Variants in POM121 observed in about 807,000 individuals in gnomAD.
POM121 encodes POM121 transmembrane nucleoporin.
A neutral mutation model predicts 81.3 loss-of-function variants in POM121; 32 were observed. The observed-to-expected ratio is 0.39, with a 90% CI of 0.30 to 0.53. The LOEUF (loss-of-function observed/expected upper bound fraction) is 0.53, where lower values mean the gene tolerates loss of function less well. POM121 is among the 20% of genes least tolerant of loss of function. The pLI, the probability that POM121 is intolerant of heterozygous loss-of-function variation, is 0.66. For missense variants in POM121, 1,138 were observed against 1,614.6 expected, an observed-to-expected ratio of 0.70 and a Z score of 5.06; for synonymous variants, 514 against 694.2, an observed-to-expected ratio of 0.74 and a Z score of 4.08.
At chr7:72,883,577 T>G (rs1790381752) in intron 1 of POM121, among the ~76,000 whole-genome samples, 1 of 152,146 alleles carries the variant, frequency 6.6e-6, no homozygotes, top group Non-Finnish European at 1.5e-5. Context: ...CTCATTGTTT[T>G]GAAGAAACTG....
At chr7:72,883,594 T>C (rs1163898357) in intron 1 of POM121, among the ~76,000 whole-genome samples, 1 of 152,134 alleles carries the variant, frequency 6.6e-6, no homozygotes, top group East Asian at 1.9e-4. Flanking sequence ...ACTGGGTTGG[T>C]TATCCTCAGT....
intron 3 of POM121, among the ~76,000 whole-genome samples, chr7:72,912,145 G>C (rs1271372959): frequency 6.6e-6 from 1 of 152,132 alleles, no homozygotes; most frequent in Non-Finnish European, 1.5e-5. Context: ...CTCCCTCTTT[G>C]GCCTCCCAAA....
Position 72,946,482 on chromosome 7 carries a change from G to A in POM121, c.*248G>A. 3.8e-6 allele frequency: 5 copies of A among 1,328,302 alleles called. No homozygotes were observed. The highest frequency in any genetic ancestry group is 4.8e-6 in the Non-Finnish European group (5 of 1,035,924). The allele number at this position is 1,328,302 out of a possible 1,614,324, so 82.3% of individuals were successfully genotyped here. On this transcript the variant is annotated 3_prime_UTR_variant, in exon 13 of 13. Coordinates refer to ENST00000434423, the MANE Select transcript of POM121 (RefSeq NM_001387691.1). ...CCTCTACTTGAACAGTTCTACTGGG[G>A]AGGCTGGAGAACTAAGGAAACACCT...
At chr7:72,934,078 C>T (rs1462271642) in intron 5 of POM121, among the ~76,000 whole-genome samples, 3 of 151,738 alleles carry the variant, frequency 2.0e-5, no homozygotes, top group Non-Finnish European at 2.9e-5. Context: ...TTTTACTGTA[C>T]AGTCTTTTTT....
intron 1 of POM121, among the ~76,000 whole-genome samples, chr7:72,883,927 T>C (rs1178051385): frequency 6.6e-6 from 1 of 152,086 alleles, no homozygotes; most frequent in Admixed American, 6.6e-5. Context: ...TTTCTTTTCT[T>C]TTTTTGGAGA....
At chr7:72,913,289 C>T (rs113841982) in intron 3 of POM121, among the ~76,000 whole-genome samples, 33 of 152,360 alleles carry the variant, frequency 2.2e-4, no homozygotes, top group African/African-American at 7.2e-4. Context: ...ACCTCCACTG[C>T]GTCGGGACAT....
intron 5 of POM121, among the ~76,000 whole-genome samples, chr7:72,933,680 A>C (rs1297773859): frequency 6.6e-6 from 1 of 152,198 alleles, no homozygotes; most frequent in Non-Finnish European, 1.5e-5. Flanking sequence ...CACATAAGAG[A>C]TACATGCACC....
chr7:72,946,481 G>A lies in POM121; in HGVS notation c.*247G>A. 5 of 1,328,080 alleles carry A rather than the reference G, an allele frequency of 3.8e-6. No homozygotes were observed. The highest frequency in any genetic ancestry group is 3.7e-5 in the South Asian group (2 of 54,288). The allele number at this position is 1,328,080 out of a possible 1,614,324, so 82.3% of individuals were successfully genotyped here. ...ACCTCTACTTGAACAGTTCTACTGG[G>A]GAGGCTGGAGAACTAAGGAAACACC... On this transcript the variant is annotated 3_prime_UTR_variant, in exon 13 of 13. Transcript: ENST00000434423.
chr7:72,943,309 G>T lies in POM121; in HGVS notation c.3316G>T (p.Ala1106Ser). The T allele has an allele frequency of 6.2e-7, 1 of 1,607,512 alleles. No homozygotes were observed. Among genetic ancestry groups the T allele is most frequent in the South Asian group, 1.1e-5 (1 of 90,258 alleles). Residue 1106 changes from alanine to serine, a missense_variant, in exon 11 of 13, where the codon GCT becomes TCT. Ala to Ser is a moderately conservative substitution (Grantham distance 99). Coordinates refer to ENST00000434423, the MANE Select transcript of POM121 (RefSeq NM_001387691.1). The part of the protein sequence containing the change: ...PFTFGGSAAP[A>S]GSGSFGINVA... ...CACGTTTGGGGGTTCGGCAGCCCCC[G>T]CTGGCAGTGGGAGCTTTGGGATCAA... is the stretch of plus-strand genomic sequence containing the variant.
intron 3 of POM121, among the ~76,000 whole-genome samples, chr7:72,894,484 A>G (rs1299336369): frequency 3.3e-5 from 5 of 151,678 alleles, no homozygotes; most frequent in Non-Finnish European, 7.4e-5. Flanking sequence ...AGGCTGAGGC[A>G]GGAGAATCGC....
At position 72,925,156 on chromosome 7, in the gene POM121, A is replaced by AGCG. The variant is rs1322199085; in HGVS notation, c.44_46dup (p.Arg15dup). On this transcript the variant is annotated inframe_insertion, in exon 1 of 13. Coordinates refer to ENST00000434423, the MANE Select transcript of POM121 (RefSeq NM_001387691.1). ...GCGGCTGCGGCGGCTGGAGCAGGCG[A>AGCG]GCGGCGGCGGCCCATAGCGAGTGTC... The AGCG allele has an allele frequency of 6.8e-7, 1 of 1,476,250 alleles. No individual in the cohort carries two copies. The highest frequency in any genetic ancestry group is 2.8e-5 in the East Asian group (1 of 35,382). The allele number at this position is 1,476,250 out of a possible 1,614,324, so 91.4% of individuals were successfully genotyped here. A position where few individuals can be genotyped will look rare whatever the true frequency, so the allele number is the denominator to read the frequency against.
exon 4 of POM121, chr7:72,913,797 C>G (rs561621080): frequency 6.6e-6 from 1 of 152,242 alleles, no homozygotes; most frequent in African/African-American, 2.4e-5. Flanking sequence ...ATCTCACTTC[C>G]TCCCAGAGGC....
At chr7:72,941,800 GT>G in intron 10 of POM121, 36 bp from the exon 11 acceptor site, 2 of 1,544,384 alleles carry the variant, frequency 1.3e-6, no homozygotes, top group South Asian at 2.4e-5. Context: ...TCTTTGAAGT[GT>G]TTATTCCAAT....
intron 1 of POM121, among the ~76,000 whole-genome samples, chr7:72,882,983 A>G (rs1309937659): frequency 6.6e-6 from 1 of 152,114 alleles, no homozygotes; most frequent in Non-Finnish European, 1.5e-5. Context: ...GGCTTTTAAA[A>G]AGATTCATCT....
intron 12 of POM121, 131 bp downstream of exon 12, chr7:72,945,839 T>A (rs1210625288): frequency 6.9e-7 from 1 of 1,443,198 alleles, no homozygotes; most frequent in Non-Finnish European, 9.2e-7. Context: ...GGGTTAGGAG[T>A]CCAGCACAAC....
At chr7:72,881,899 G>C (rs1257933325) in intron 1 of POM121, among the ~76,000 whole-genome samples, 3 of 152,166 alleles carry the variant, frequency 2.0e-5, no homozygotes, top group Non-Finnish European at 4.4e-5. Flanking sequence ...CCAAAGTGCT[G>C]GGATTACAGG....
intron 3 of POM121, among the ~76,000 whole-genome samples, chr7:72,902,716 GA>G (rs1563140470): frequency 6.6e-6 from 1 of 152,092 alleles, no homozygotes; most frequent in African/African-American, 2.4e-5. Context: ...TTTTTGTAGA[GA>G]GGGGGTTTCA....
At chr7:72,905,799 G>A (rs2129575893) in intron 3 of POM121, among the ~76,000 whole-genome samples, 1 of 152,334 alleles carries the variant, frequency 6.6e-6, no homozygotes, top group African/African-American at 2.4e-5. Flanking sequence ...GAAGTCTCCT[G>A]TAAATGTCAG....
At position 72,927,049 on chromosome 7, in the gene POM121, G is replaced by A. The variant is rs571232633; in HGVS notation, c.1022+86G>A. ...TAGACATTCCCATATAGATACAGAG[G>A]CCATCTCCAGTTTATGAGCCTTCGT... On this transcript the variant is annotated intron_variant, in intron 3 of 12. Coordinates refer to ENST00000434423, the MANE Select transcript of POM121 (RefSeq NM_001387691.1). 6.9e-6 allele frequency: 11 copies of A among 1,599,440 alleles called. No individual in the cohort carries two copies. The Admixed American group carries it at 8.5e-5, about 12-fold the overall frequency.
Sources: allele counts gnomAD v4.1 joint callset (sites outside exome capture counted in the v4.1 genomes callset), GRCh38; gene constraint gnomAD v4.1.1; transcripts MANE v1.5; gene names NCBI Gene and HGNC (gene_info 2026-07-23, HGNC 2026-07-21).